CTTN: variants seen among roughly 807,000 people sequenced by gnomAD.
CTTN encodes cortactin.
Under a neutral mutation model 84.0 loss-of-function variants are expected in CTTN, and 28 were observed. That is an observed-to-expected ratio of 0.33 (90% CI 0.25 to 0.46). CTTN has a LOEUF of 0.46. Among genes scored for constraint, CTTN ranks in the 20% least tolerant of loss-of-function variants. CTTN has a pLI of 1.00. For synonymous variants in CTTN, 301 were observed against 288.8 expected (o/e 1.04, Z -0.43); for missense variants, 641 against 723.8 (o/e 0.89, Z 1.31).
chr11:70,412,379 C>T (rs1034902162), intron 5 of CTTN, among the ~76,000 whole-genome samples: 1 of 152,038 alleles, frequency 6.6e-6, no homozygotes, highest in African/African-American at 2.4e-5. Flanking sequence ...CCTGTGATCG[C>T]ACCATTACAG....
Position 70,435,167 on chromosome 11 carries a change from C to G in CTTN, c.*5C>G. ...TATGTGGAGCTGCGGCAGTAGGGCCCCCAGCCCCCCCCCGGAGCTGCGCCC... is the reference window on the plus strand; with the variant it reads ...TATGTGGAGCTGCGGCAGTAGGGCCGCCAGCCCCCCCCCGGAGCTGCGCCC... On this transcript the variant is annotated 3_prime_UTR_variant, in exon 18 of 18. Transcript: ENST00000301843. 1 of 1,604,680 alleles carries G rather than the reference C, an allele frequency of 6.2e-7. No individual in the cohort carries two copies. Among genetic ancestry groups the G allele is most frequent in the Non-Finnish European group, 8.5e-7 (1 of 1,176,108 alleles).
At chr11:70,430,158 G>A (rs192189119) in intron 14 of CTTN, among the ~76,000 whole-genome samples, 8 of 152,322 alleles carry the variant, frequency 5.3e-5, no homozygotes, top group African/African-American at 9.6e-5. Context: ...CATTGTTCCC[G>A]TTAGAGCAAG....
In CTTN at chr11:70,436,245, A is replaced by G. The variant is rs775813879; in HGVS notation, c.*1083A>G. ...CAAGGTCCCCCCACAGCTCCAGGAC[A>G]CCGCTGTCCTGGCATTTGTGGCCAC... On this transcript the variant is annotated 3_prime_UTR_variant, in exon 18 of 18. Coordinates refer to ENST00000301843, the MANE Select transcript of CTTN (RefSeq NM_005231.4). The G allele has an allele frequency of 1.9e-6, 3 of 1,593,200 alleles. No homozygotes were observed. The highest frequency in any genetic ancestry group is 2.5e-6 in the Non-Finnish European group (3 of 1,176,828).
At chr11:70,401,104 G>A (rs2057973753) in intron 1 of CTTN, among the ~76,000 whole-genome samples, 1 of 151,978 alleles carries the variant, frequency 6.6e-6, no homozygotes, top group Non-Finnish European at 1.5e-5. Flanking sequence ...GAGGCTAAGG[G>A]CAGGTGGATT....
At position 70,409,896 on chromosome 11, in the gene CTTN, C is replaced by T. The variant is rs768530145; in HGVS notation, c.227C>T (p.Thr76Ile). 6.2e-7 allele frequency: 1 copy of T among 1,614,006 alleles called. No homozygotes were observed. The highest frequency in any genetic ancestry group is 1.1e-5 in the South Asian group (1 of 91,090). ...ACCCTTAAGGAGAAGGAACTTGAAA[C>T]AGGACCAAAAGCTTCCCATGGCTAT... ...HQTLKEKELE[T>I]GPKASHGYGG... The change falls in exon 5 of 18, where the codon ACA becomes ATA. Residue 76 changes from threonine (T) to isoleucine (I), a missense_variant. Around this residue, in one of 3 missense-constraint regions of CTTN, gnomAD observed 284 missense variants for 348.4 expected, o/e 0.82. Transcript: ENST00000301843.
intron 13 of CTTN, among the ~76,000 whole-genome samples, chr11:70,426,755 A>G (rs1462110392): frequency 6.6e-6 from 1 of 151,478 alleles, no homozygotes; most frequent in Non-Finnish European, 1.5e-5. Flanking sequence ...CGCCCGGCTA[A>G]TTTTTTTGTT....
intron 1 of CTTN, among the ~76,000 whole-genome samples, chr11:70,399,703 T>G (rs1242814490): frequency 1.3e-5 from 2 of 152,154 alleles, no homozygotes; most frequent in African/African-American, 4.8e-5. Context: ...CAGGGCTTCC[T>G]CCCGCTGGAA....
intron 1 of CTTN, among the ~76,000 whole-genome samples, chr11:70,404,834 C>G (rs577998352): frequency 5.3e-5 from 8 of 152,312 alleles, no homozygotes; most frequent in Non-Finnish European, 7.3e-5. Context: ...GAAAACCCGT[C>G]TGTACTAAAA....
intron 1 of CTTN, among the ~76,000 whole-genome samples, chr11:70,401,536 T>A (rs1243356044): frequency 6.7e-6 from 1 of 148,520 alleles, no homozygotes; most frequent in Non-Finnish European, 1.5e-5. Flanking sequence ...TAGTCCCAGC[T>A]ACTCAGGAGG....
chr11:70,421,401 C>T (rs2058234740), intron 10 of CTTN, 69 bp from the exon 11 acceptor site: 2 of 1,104,420 alleles, frequency 1.8e-6, no homozygotes, highest in Non-Finnish European at 1.4e-6. Flanking sequence ...TGCGCATGCT[C>T]ATGCAATTCT....
intron 14 of CTTN, among the ~76,000 whole-genome samples, chr11:70,430,001 T>A (rs1187009905): frequency 6.6e-6 from 1 of 152,180 alleles, no homozygotes; most frequent in African/African-American, 2.4e-5. Flanking sequence ...CGTGCTACTT[T>A]GGGTGTTTAA....
At chr11:70,398,905 T>G (rs2057941709) in intron 1 of CTTN, among the ~76,000 whole-genome samples, 1 of 147,268 alleles carries the variant, frequency 6.8e-6, no homozygotes, top group Admixed American at 6.7e-5. Flanking sequence ...GGAGGAAGGT[T>G]AGAAAGGGGC....
At chr11:70,426,932 C>CT (rs2058307114) in intron 13 of CTTN, among the ~76,000 whole-genome samples, 1 of 150,908 alleles carries the variant, frequency 6.6e-6, no homozygotes, top group Non-Finnish European at 1.5e-5. Context: ...GATGAGGTCT[C>CT]ACTGTGTTGC....
chr11:70,420,631 T>C, intron 10 of CTTN, 121 bp downstream of exon 10: 1 of 752,086 alleles, frequency 1.3e-6, no homozygotes, highest in Non-Finnish European at 2.3e-6. Flanking sequence ...CTTCACTGTT[T>C]GAAGTTGTCC....
intron 4 of CTTN, among the ~76,000 whole-genome samples, chr11:70,408,814 C>G (rs1295413926): frequency 6.6e-6 from 1 of 152,198 alleles, no homozygotes; most frequent in African/African-American, 2.4e-5. Flanking sequence ...GGACAAGAGA[C>G]TGGAATGGGG....
At chr11:70,419,519 C>T (rs1160386524) in intron 8 of CTTN, among the ~76,000 whole-genome samples, 3 of 152,226 alleles carry the variant, frequency 2.0e-5, no homozygotes, top group Non-Finnish European at 4.4e-5. Context: ...CCTCCCTTCT[C>T]AGCCTCCTGA....
intron 2 of CTTN, 94 bp from the exon 3 acceptor site, chr11:70,407,204 T>A: frequency 2.0e-6 from 2 of 1,020,170 alleles, no homozygotes; most frequent in Non-Finnish European, 2.9e-6. Flanking sequence ...CTGGGTTGCC[T>A]AGAATCTCGG....
chr11:70,423,828 C>T (rs1274048669), intron 12 of CTTN, among the ~76,000 whole-genome samples: 4 of 152,224 alleles, frequency 2.6e-5, no homozygotes, highest in African/African-American at 9.6e-5. Context: ...TGCGTGGCCC[C>T]AGAAAGGTTA....
At chr11:70,414,954 CAT>C (rs921461392) in intron 6 of CTTN, among the ~76,000 whole-genome samples, 2 of 152,178 alleles carry the variant, frequency 1.3e-5, no homozygotes, top group African/African-American at 2.4e-5. Flanking sequence ...GTGTTTCTCA[CAT>C]GTGTGTTACT....
Sources: gnomAD v4.1 joint callset for allele counts (sites outside exome capture counted in the v4.1 genomes callset) on GRCh38, gnomAD v4.1.1 for gene constraint, gnomAD v4.1.1 regional missense constraint, MANE v1.5 for transcripts, NCBI Gene and HGNC (gene_info 2026-07-23, HGNC 2026-07-21) for gene names.